Variants in PALLD observed in about 807,000 individuals in gnomAD.
PALLD encodes the protein palladin, cytoskeletal associated protein.
In PALLD, 61 loss-of-function variants were observed where a neutral mutation model predicts 123.5. The ratio of observed to expected loss-of-function variants is 0.49; its 90% confidence interval spans 0.40 to 0.61. The LOEUF is 0.61. Among genes scored for constraint, PALLD ranks in the 20% least tolerant of loss-of-function variants. The pLI is 0.00. For synonymous variants in PALLD, 465 were observed against 496.4 expected, an observed-to-expected ratio of 0.94 and a Z score of 0.84; for missense variants, 1,273 against 1,377.0, an observed-to-expected ratio of 0.92 and a Z score of 1.20.
chr4:168,530,028 A>G (rs1561214167), intron 2 of PALLD, among the ~76,000 whole-genome samples: 2 of 152,158 alleles, frequency 1.3e-5, no homozygotes, highest in Non-Finnish European at 2.9e-5. Context: ...CATTATTACT[A>G]TGGCCCTCGG....
chr4:168,879,749 T>C (rs746625702), intron 10 of PALLD, among the ~76,000 whole-genome samples: 35 of 152,306 alleles, frequency 2.3e-4, no homozygotes, highest in Non-Finnish European at 4.4e-4. Context: ...CCAATGAATA[T>C]ATAAAGAAAC....
chr4:168,836,967 G>A (rs1034172342), intron 10 of PALLD, among the ~76,000 whole-genome samples: 2 of 152,130 alleles, frequency 1.3e-5, no homozygotes, highest in Non-Finnish European at 2.9e-5. Context: ...TCCAACTTGA[G>A]TTTTTTAAGG....
chr4:168,821,628 C>A (rs1175304053), intron 10 of PALLD, among the ~76,000 whole-genome samples: 3 of 152,128 alleles, frequency 2.0e-5, no homozygotes, highest in South Asian at 2.1e-4. Flanking sequence ...GTAATCCTAG[C>A]ACTTTGGGAG....
intron 10 of PALLD, among the ~76,000 whole-genome samples, chr4:168,826,609 A>AT (rs375164225): frequency 3.3e-5 from 5 of 151,498 alleles, no homozygotes; most frequent in Non-Finnish European, 5.9e-5. Flanking sequence ...AGTTCAGATT[A>AT]TTTTTTTTAC....
Position 168,898,437 on chromosome 4 carries a change from C to T in PALLD, c.2251-56C>T, listed in dbSNP as rs569837211. ...GGCCTTATTGGGGGGCAGGGAGAGA[C>T]GTGACACTTTGTCAGAAGGGATTGA... On this transcript the variant is annotated intron_variant, in intron 13 of 21. Transcript: ENST00000505667. 1.9e-5 allele frequency: 21 copies of T among 1,097,126 alleles called. 1 individual carries two copies. Among genetic ancestry groups the T allele is most frequent in the Middle Eastern group, 5.0e-4 (2 of 3,974 alleles). 68.0% of individuals were successfully genotyped at this position (1,097,126 alleles called of 1,614,324 possible).
At chr4:168,721,490 A>G (rs1786014318) in intron 10 of PALLD, among the ~76,000 whole-genome samples, 1 of 152,226 alleles carries the variant, frequency 6.6e-6, no homozygotes, top group Non-Finnish European at 1.5e-5. Flanking sequence ...ACTAAAATGT[A>G]TATTATATAT....
Position 168,749,067 on chromosome 4 carries a change from C to T in PALLD, c.1964+37144C>T, listed in dbSNP as rs114143745. On this transcript the variant is annotated intron_variant, in intron 10 of 21. Coordinates refer to ENST00000505667, the MANE Select transcript of PALLD (RefSeq NM_001166108.2). ...GTGAGAGGTGCTTGGGGCAGGAGGGCAGATCCCTTATGGCTTAGTGCTGTC... is the reference window on the plus strand; with the variant it reads ...GTGAGAGGTGCTTGGGGCAGGAGGGTAGATCCCTTATGGCTTAGTGCTGTC... Among the ~76,000 whole-genome samples the T allele has an allele frequency of 1.6e-3, 242 of 152,238 alleles. 1 individual carries two copies. Among genetic ancestry groups the T allele is most frequent in the African/African-American group, 5.7e-3 (238 of 41,556 alleles).
At chr4:168,762,695 A>G (rs146247041) in intron 10 of PALLD, among the ~76,000 whole-genome samples, 12 of 152,334 alleles carry the variant, frequency 7.9e-5, no homozygotes, top group South Asian at 6.2e-4. Context: ...ATTGGATTAT[A>G]AATCATTTTA....
chr4:168,645,881 G>A (rs961631744), intron 2 of PALLD, among the ~76,000 whole-genome samples: 1 of 152,076 alleles, frequency 6.6e-6, no homozygotes, highest in Non-Finnish European at 1.5e-5. Flanking sequence ...CTCAGGCACG[G>A]GGCTGTAATG....
chr4:168,560,494 T>C (rs919632214), intron 2 of PALLD, among the ~76,000 whole-genome samples: 1 of 152,364 alleles, frequency 6.6e-6, no homozygotes, highest in East Asian at 1.9e-4. Flanking sequence ...AAACTTTCTC[T>C]TAAAAGTTTC....
intron 10 of PALLD, among the ~76,000 whole-genome samples, chr4:168,825,012 T>C (rs987177464): frequency 2.6e-5 from 4 of 151,776 alleles, no homozygotes; most frequent in Non-Finnish European, 5.9e-5. Context: ...GATGGAGTTT[T>C]GCCATGTTGC....
chr4:168,673,210 G>A (rs560453699), intron 3 of PALLD, among the ~76,000 whole-genome samples: 2 of 152,328 alleles, frequency 1.3e-5, no homozygotes, highest in East Asian at 3.9e-4. Context: ...CAGAAGGGGG[G>A]CAGAGTAACC....
At chr4:168,625,502 G>GATAGATAGAT in intron 2 of PALLD, among the ~76,000 whole-genome samples, 2 of 114,430 alleles carry the variant, frequency 1.7e-5, no homozygotes, top group East Asian at 2.8e-4. Context: ...ATATCCAGGA[G>GATAGATAGAT]ATATATATAT....
At chr4:168,569,928 A>G (rs1202953821) in intron 2 of PALLD, among the ~76,000 whole-genome samples, 3 of 152,192 alleles carry the variant, frequency 2.0e-5, no homozygotes. Context: ...AAGAAACGTC[A>G]CAGGATTTTA....
At chr4:168,905,369 C>T (rs1006307675) in intron 15 of PALLD, among the ~76,000 whole-genome samples, 1 of 151,360 alleles carries the variant, frequency 6.6e-6, no homozygotes, top group Non-Finnish European at 1.5e-5. Context: ...AGGATGGTCT[C>T]GATCTCCTGA....
intron 10 of PALLD, among the ~76,000 whole-genome samples, chr4:168,780,331 C>T (rs1319249909): frequency 1.3e-5 from 2 of 152,218 alleles, no homozygotes; most frequent in Non-Finnish European, 2.9e-5. Flanking sequence ...CCATGGCACA[C>T]ACAGCTGCCC....
chr4:168,925,454 C>T, intron 21 of PALLD, 176 bp downstream of exon 21: 1 of 638,182 alleles, frequency 1.6e-6, no homozygotes, highest in East Asian at 2.7e-5. Flanking sequence ...TGCCTTTTAA[C>T]ATTTCTTCCT....
chr4:168,641,542 C>T (rs1386942783), intron 2 of PALLD, among the ~76,000 whole-genome samples: 5 of 152,150 alleles, frequency 3.3e-5, no homozygotes, highest in African/African-American at 7.2e-5. Context: ...ACCCTGGTTC[C>T]GTCCTGTTTT....
intron 2 of PALLD, among the ~76,000 whole-genome samples, chr4:168,545,282 T>G (rs1766028846): frequency 6.6e-6 from 1 of 151,998 alleles, no homozygotes; most frequent in Non-Finnish European, 1.5e-5. Flanking sequence ...ATCCCAGCAC[T>G]TTGGGAGGGT....
Sources: allele counts gnomAD v4.1 joint callset (sites outside exome capture counted in the v4.1 genomes callset), GRCh38; gene constraint gnomAD v4.1.1; transcripts MANE v1.5; gene names NCBI Gene and HGNC (gene_info 2026-07-23, HGNC 2026-07-21).